The following RIMS1 variants were observed in gnomAD, a reference collection of about 807,000 sequenced individuals.
RIMS1 encodes the protein regulating synaptic membrane exocytosis protein 1.
A neutral mutation model predicts 214.1 loss-of-function variants in RIMS1; 83 were observed. The observed-to-expected ratio is 0.39, with a 90% CI of 0.32 to 0.47. The LOEUF is 0.47. Ranked by LOEUF, RIMS1 falls within the 20% of genes least tolerant of loss-of-function variation. RIMS1 has a pLI of 0.99. For missense variants in RIMS1, 2,050 were observed against 2,161.8 expected, an observed-to-expected ratio of 0.95 and a Z score of 1.03; for synonymous variants, 793 against 786.8, an observed-to-expected ratio of 1.01 and a Z score of -0.13.
chr6:71,942,954 G>A (rs1370918615), intron 1 of RIMS1, among the ~76,000 whole-genome samples: 1 of 151,730 alleles, frequency 6.6e-6, no homozygotes, highest in Non-Finnish European at 1.5e-5. Flanking sequence ...CTTTAAAAAG[G>A]GAAAATGAGT....
chr6:71,969,050 C>T lies in RIMS1; in HGVS notation c.232C>T (p.His78Tyr), dbSNP rs764932928. Residue 78 changes from histidine (H) to tyrosine (Y), a missense_variant, in exon 2 of 34, where the codon CAC (histidine) becomes TAC (tyrosine). By Grantham distance (83) the His-to-Tyr change is moderately conservative. Coordinates refer to ENST00000521978, the MANE Select transcript of RIMS1 (RefSeq NM_014989.7). The stretch of plus-strand genomic sequence containing the variant: ...ACCAAGAAATGCTGAAAACCAGCCC[C>T]ACCAACCTTCACCGTGAGTATGGCA... ...KTPRNAENQP[H>Y]QPSPRLHQQF... 8 of 1,613,878 alleles carry T rather than the reference C, an allele frequency of 5.0e-6. No homozygotes were observed. In the African/African-American group the frequency reaches 1.1e-4, roughly 22 times the overall value.
intron 29 of RIMS1, among the ~76,000 whole-genome samples, chr6:72,363,816 G>A (rs1254080516): frequency 1.3e-5 from 2 of 152,176 alleles, no homozygotes; most frequent in East Asian, 1.9e-4. Flanking sequence ...TGGTTAAAGG[G>A]ATAATTCGGG....
chr6:72,074,941 T>C (rs1831435278), intron 2 of RIMS1, among the ~76,000 whole-genome samples: 1 of 152,182 alleles, frequency 6.6e-6, no homozygotes, highest in Non-Finnish European at 1.5e-5. Context: ...AGTATTTTCT[T>C]TTTTATTTCT....
At chr6:72,150,714 G>A (rs904270221) in intron 4 of RIMS1, among the ~76,000 whole-genome samples, 7 of 152,246 alleles carry the variant, frequency 4.6e-5, no homozygotes, top group South Asian at 4.1e-4. Context: ...TGTTCATTTT[G>A]TTTGTTCATT....
chr6:72,265,165 C>A (rs887485085), intron 20 of RIMS1, 113 bp downstream of exon 20: 31 of 651,534 alleles, frequency 4.8e-5, no homozygotes, highest in Non-Finnish European at 7.5e-5. Flanking sequence ...AATTTACATT[C>A]TAATAAAATA....
chr6:71,972,183 C>A (rs751284200), intron 2 of RIMS1, among the ~76,000 whole-genome samples: 50 of 152,072 alleles, frequency 3.3e-4, no homozygotes, highest in Non-Finnish European at 5.9e-4. Flanking sequence ...AAGGGGAATG[C>A]CCAACAGTGT....
intron 1 of RIMS1, among the ~76,000 whole-genome samples, chr6:71,950,677 T>C (rs1789187885): frequency 6.6e-6 from 1 of 152,226 alleles, no homozygotes; most frequent in Non-Finnish European, 1.5e-5. Flanking sequence ...GTCTGAGAAC[T>C]AAGATTTGTC....
chr6:72,054,863 C>T (rs549575739), intron 2 of RIMS1, among the ~76,000 whole-genome samples: 106 of 152,078 alleles, frequency 7.0e-4, no homozygotes, highest in Non-Finnish European at 1.3e-3. Context: ...AATGTTCTCC[C>T]GTTCTGTAGG....
chr6:72,237,949 A>G (rs1192664454), intron 9 of RIMS1, 27 bp downstream of exon 9: 2 of 1,513,468 alleles, frequency 1.3e-6, no homozygotes, highest in Non-Finnish European at 1.8e-6. Context: ...TAATATTTAA[A>G]CAGTGTGTTC....
At chr6:72,133,577 G>A (rs573839394) in intron 4 of RIMS1, among the ~76,000 whole-genome samples, 1 of 152,266 alleles carries the variant, frequency 6.6e-6, no homozygotes, top group African/African-American at 2.4e-5. Flanking sequence ...TTCTTCCAGT[G>A]ATGGCTATAG....
At chr6:71,911,857 T>A (rs1307238049) in intron 1 of RIMS1, among the ~76,000 whole-genome samples, 1 of 152,148 alleles carries the variant, frequency 6.6e-6, no homozygotes, top group East Asian at 1.9e-4. Context: ...ATTTTTGGCC[T>A]TGCTATTGTT....
intron 26 of RIMS1, among the ~76,000 whole-genome samples, chr6:72,306,377 AG>A (rs1297842933): frequency 6.6e-6 from 1 of 152,082 alleles, no homozygotes; most frequent in African/African-American, 2.4e-5. Context: ...CATAGGTATA[AG>A]CTTTTGAGTC....
At chr6:72,055,467 ACTT>A (rs1825891025) in intron 2 of RIMS1, among the ~76,000 whole-genome samples, 1 of 152,116 alleles carries the variant, frequency 6.6e-6, no homozygotes, top group Non-Finnish European at 1.5e-5. Context: ...ATATAGTTTG[ACTT>A]CTTCTCTTCC....
At chr6:72,186,703 A>G (rs1158481280) in intron 6 of RIMS1, among the ~76,000 whole-genome samples, 1 of 152,184 alleles carries the variant, frequency 6.6e-6, no homozygotes, top group African/African-American at 2.4e-5. Flanking sequence ...ATTGCATAAT[A>G]AATTATATAC....
chr6:71,974,342 A>G (rs1379251299), intron 2 of RIMS1, among the ~76,000 whole-genome samples: 1 of 152,076 alleles, frequency 6.6e-6, no homozygotes, highest in African/African-American at 2.4e-5. Context: ...AGAGGGAGAA[A>G]GATCAGAGGC....
chr6:71,887,213 C>T (rs1767981754), intron 1 of RIMS1, 26 bp downstream of exon 1: 2 of 1,590,614 alleles, frequency 1.3e-6, no homozygotes, highest in African/African-American at 1.3e-5. Context: ...CCGCGCCATC[C>T]ATGCCTCCGT....
At chr6:72,165,882 G>A (rs1189931671) in intron 4 of RIMS1, among the ~76,000 whole-genome samples, 4 of 152,072 alleles carry the variant, frequency 2.6e-5, no homozygotes, top group Non-Finnish European at 4.4e-5. Context: ...GTATCCTACT[G>A]GTACCTATTA....
chr6:72,140,051 A>G (rs2041890866), intron 4 of RIMS1, among the ~76,000 whole-genome samples: 2 of 152,160 alleles, frequency 1.3e-5, no homozygotes, highest in South Asian at 4.1e-4. Flanking sequence ...CCTTATTTCT[A>G]CTATTATGAA....
intron 2 of RIMS1, among the ~76,000 whole-genome samples, chr6:72,085,860 G>GAA (rs2153784415): frequency 6.6e-6 from 1 of 152,192 alleles, no homozygotes; most frequent in Admixed American, 6.6e-5. Flanking sequence ...TTAGCATTCT[G>GAA]AAAATAGAAT....
Sources: gnomAD v4.1 joint callset for allele counts (sites outside exome capture counted in the v4.1 genomes callset) on GRCh38, gnomAD v4.1.1 for gene constraint, MANE v1.5 for transcripts, NCBI Gene and HGNC (gene_info 2026-07-23, HGNC 2026-07-21) for gene names.